The following RNF128 variants were observed in gnomAD, a reference collection of about 807,000 sequenced individuals.
The protein encoded by RNF128 is ring finger protein 128.
Under a neutral mutation model 26.2 loss-of-function variants are expected in RNF128, and 13 were observed. The observed-to-expected ratio is 0.50, with a 90% CI of 0.32 to 0.79. The LOEUF (loss-of-function observed/expected upper bound fraction) is 0.79, where lower values mean the gene tolerates loss of function less well. Among genes scored for constraint, RNF128 ranks in the 30% least tolerant of loss-of-function variants. RNF128 has a pLI of 0.03. For missense variants in RNF128, 315 were observed against 349.7 expected (o/e 0.90, Z 0.79); for synonymous variants, 149 against 142.5 (o/e 1.05, Z -0.32).
At position 106,756,464 on chromosome X, in the gene RNF128, C is replaced by G. The variant is rs1233286360; in HGVS notation, c.485-16449C>G. 5.5e-5 allele frequency among the ~76,000 whole-genome samples: 6 copies of G among 109,958 alleles called. No individual in the cohort carries two copies. The East Asian group carries it at 1.7e-3, about 31-fold the overall frequency. On this transcript the variant is annotated intron_variant, in intron 1 of 6. Transcript: ENST00000255499. ...TACAACTATCTGATCTTTGACAAAC[C>G]TGACAAAAACAAGCAATGGGGAAAG... is the stretch of plus-strand genomic sequence containing the variant.
upstream of RNF128, among the ~76,000 whole-genome samples, chrX:106,724,194 CT>C (rs1264442764): frequency 9.0e-6 from 1 of 111,426 alleles, no homozygotes; most frequent in African/African-American, 3.3e-5. Context: ...ACTCCTCCTT[CT>C]CTTTCATCCC....
chrX:106,694,361 A>G (rs1355585164), exon 1 of RNF128: 1 of 1,206,935 alleles, frequency 8.3e-7, no homozygotes, highest in Non-Finnish European at 1.1e-6. Flanking sequence ...GTTGTGATTT[A>G]CAATGCTCCA....
chrX:106,784,206 G>T (rs1163858239), intron 2 of RNF128, among the ~76,000 whole-genome samples: 1 of 111,507 alleles, frequency 9.0e-6, no homozygotes, highest in Admixed American at 9.5e-5. Context: ...ACTTCAAATT[G>T]ACAAATATCT....
intron 1 of RNF128, among the ~76,000 whole-genome samples, chrX:106,734,090 T>G (rs1422574851): frequency 4.5e-5 from 5 of 111,946 alleles, no homozygotes. Flanking sequence ...CTTTCTATTG[T>G]AAGAATTTCT....
intron 1 of RNF128, among the ~76,000 whole-genome samples, chrX:106,732,728 A>C (rs1370932344): frequency 8.9e-6 from 1 of 111,779 alleles, no homozygotes; most frequent in Non-Finnish European, 1.9e-5. Context: ...GGTTTTATGG[A>C]TTTTTAATGG....
At chrX:106,708,131 T>G (rs1929072757) in intron 1 of RNF128, among the ~76,000 whole-genome samples, 1 of 112,015 alleles carries the variant, frequency 8.9e-6, no homozygotes, top group African/African-American at 3.2e-5. Context: ...CCAGAAAGAT[T>G]GGGGTTCCTC....
chrX:106,727,429 G>T, intron 1 of RNF128, 32 bp downstream of exon 1: 1 of 1,203,716 alleles, frequency 8.3e-7, no homozygotes, highest in Non-Finnish European at 1.1e-6. Flanking sequence ...CACCCCTCCA[G>T]ACCTCTGCCA....
chrX:106,792,408 C>T (rs1198518576), intron 6 of RNF128, among the ~76,000 whole-genome samples: 2 of 110,489 alleles, frequency 1.8e-5, no homozygotes, highest in Non-Finnish European at 3.8e-5. Context: ...ACAGATTTTG[C>T]AGAGATTTGA....
At position 106,727,325 on chromosome X, in the gene RNF128, A is replaced by C. The variant is rs1421679234; in HGVS notation, c.412A>C (p.Arg138=). 1 of 1,209,376 alleles carries C rather than the reference A, an allele frequency of 8.3e-7. No individual in the cohort carries two copies. The highest frequency in any genetic ancestry group is 1.1e-6 in the Non-Finnish European group (1 of 894,982). The stretch of plus-strand genomic sequence containing the variant: ...AGACAAGATCCATCTGGCTTATGAG[A>C]GAGGGGCGTCTGGAGCCGTCATCTT... ...FADKIHLAYE[R]GASGAVIFNF... Residue 138 remains arginine, a synonymous_variant, in exon 1 of 7, where the codon AGA becomes CGA. Transcript: ENST00000255499.
intron 1 of RNF128, among the ~76,000 whole-genome samples, chrX:106,720,648 T>C (rs1455933345): frequency 9.0e-6 from 1 of 111,238 alleles, no homozygotes; most frequent in African/African-American, 3.3e-5. Context: ...TATGTATGTG[T>C]AGAGGTAGTA....
chrX:106,757,687 A>C (rs1233020933), intron 1 of RNF128, among the ~76,000 whole-genome samples: 1 of 104,470 alleles, frequency 9.6e-6, no homozygotes, highest in Admixed American at 1.0e-4. Context: ...ATACATATGT[A>C]ACTAACCTGC....
chrX:106,699,164 G>A (rs1008298409), intron 1 of RNF128, among the ~76,000 whole-genome samples: 2 of 111,584 alleles, frequency 1.8e-5, no homozygotes, highest in Admixed American at 9.5e-5. Context: ...TGCTATTCTC[G>A]CCCCTCTGTA....
At chrX:106,721,188 A>C (rs1929304391) in intron 1 of RNF128, among the ~76,000 whole-genome samples, 1 of 111,891 alleles carries the variant, frequency 8.9e-6, no homozygotes, top group Non-Finnish European at 1.9e-5. Flanking sequence ...TCTTCTTGCT[A>C]TCTACATAGA....
chrX:106,728,620 A>C (rs1364680973), intron 1 of RNF128, among the ~76,000 whole-genome samples: 1 of 111,701 alleles, frequency 9.0e-6, no homozygotes, highest in Non-Finnish European at 1.9e-5. Flanking sequence ...TTATGACTGA[A>C]CCTGCCTAGA....
chrX:106,784,993 C>T, intron 2 of RNF128, 72 bp from the exon 3 acceptor site: 3 of 716,113 alleles, frequency 4.2e-6, no homozygotes, highest in South Asian at 6.2e-5. Context: ...ATTTATTGAT[C>T]CTCTCTATCT....
At chrX:106,698,586 T>A (rs1001368669) in intron 1 of RNF128, among the ~76,000 whole-genome samples, 1 of 111,475 alleles carries the variant, frequency 9.0e-6, no homozygotes, top group African/African-American at 3.3e-5. Context: ...ACTAATCAGT[T>A]GCATTTCAAA....
At chrX:106,712,208 A>G (rs1211787051) in intron 1 of RNF128, among the ~76,000 whole-genome samples, 1 of 111,917 alleles carries the variant, frequency 8.9e-6, no homozygotes, top group Non-Finnish European at 1.9e-5. Flanking sequence ...TTCAAAGCCA[A>G]CTTCGAGTGT....
At chrX:106,713,369 C>CA (rs11443623) in intron 1 of RNF128, among the ~76,000 whole-genome samples, 12,400 of 109,778 alleles carry the variant, frequency 0.11, 1,736 homozygotes, top group African/African-American at 0.39. Context: ...ATTAGTAGGG[C>CA]TGGTGGCGCA....
At chrX:106,738,077 T>A (rs183462918) in intron 1 of RNF128, among the ~76,000 whole-genome samples, 2 of 112,000 alleles carry the variant, frequency 1.8e-5, no homozygotes, top group African/African-American at 6.5e-5. Flanking sequence ...CTGTTTTTAT[T>A]TCAACCTATT....
Sources: allele counts gnomAD v4.1 joint callset (sites outside exome capture counted in the v4.1 genomes callset), GRCh38; gene constraint gnomAD v4.1.1; transcripts MANE v1.5; gene names NCBI Gene and HGNC (gene_info 2026-07-23, HGNC 2026-07-21).